Variants in CADM2 observed in about 807,000 individuals in gnomAD.
CADM2 encodes immunoglobulin superfamily member 4D.
A neutral mutation model predicts 49.8 loss-of-function variants in CADM2; 12 were observed. That is an observed-to-expected ratio of 0.24 (90% CI 0.15 to 0.39). The LOEUF (loss-of-function observed/expected upper bound fraction) is 0.39, where lower values mean the gene tolerates loss of function less well. Ranked by LOEUF, CADM2 falls within the 10% of genes least tolerant of loss-of-function variation. The pLI is 1.00. For missense variants in CADM2, 378 were observed against 492.3 expected (o/e 0.77, Z 2.20); for synonymous variants, 214 against 175.4 (o/e 1.22, Z -1.74).
chr3:85,932,955 C>T (rs1272221015), intron 6 of CADM2, among the ~76,000 whole-genome samples: 1 of 152,036 alleles, frequency 6.6e-6, no homozygotes, highest in Non-Finnish European at 1.5e-5. Flanking sequence ...TTCTGTGTGT[C>T]AGATCTAAAG....
At chr3:85,448,320 A>T (rs1031380509) in intron 1 of CADM2, among the ~76,000 whole-genome samples, 1 of 125,938 alleles carries the variant, frequency 7.9e-6, no homozygotes, top group African/African-American at 3.0e-5. Flanking sequence ...GCGACAGAGC[A>T]AGATTCCGTC....
intron 1 of CADM2, among the ~76,000 whole-genome samples, chr3:85,083,647 G>T (rs935739942): frequency 6.6e-6 from 1 of 151,998 alleles, no homozygotes; most frequent in African/African-American, 2.4e-5. Flanking sequence ...ATAGTTTTGG[G>T]AGAACTAAAA....
chr3:85,626,809 A>C (rs1293017758), intron 1 of CADM2, among the ~76,000 whole-genome samples: 1 of 152,026 alleles, frequency 6.6e-6, no homozygotes, highest in Admixed American at 6.6e-5. Flanking sequence ...TTAGATAAAC[A>C]TGAAAGAGAA....
intron 1 of CADM2, among the ~76,000 whole-genome samples, chr3:85,238,949 C>T (rs1327630303): frequency 6.6e-6 from 1 of 151,342 alleles, no homozygotes; most frequent in Non-Finnish European, 1.5e-5. Flanking sequence ...CTTTCTCTTT[C>T]CTTTTAGGTG....
intron 1 of CADM2, among the ~76,000 whole-genome samples, chr3:85,589,659 C>T (rs1317560026): frequency 6.6e-6 from 1 of 152,008 alleles, no homozygotes; most frequent in Non-Finnish European, 1.5e-5. Context: ...TATTTACATA[C>T]AGTTTTCTCT....
chr3:86,046,172 T>G (rs1736655912), intron 8 of CADM2, among the ~76,000 whole-genome samples: 1 of 152,172 alleles, frequency 6.6e-6, no homozygotes, highest in Non-Finnish European at 1.5e-5. Flanking sequence ...GTATTTTATA[T>G]ACCTAGTTAA....
chr3:85,945,071 T>C (rs138141361), intron 7 of CADM2, among the ~76,000 whole-genome samples: 32,843 of 151,102 alleles, frequency 0.22, 4,021 homozygotes, highest in African/African-American at 0.34. Context: ...ATCAAATAGA[T>C]GCAATAAAAA....
chr3:85,153,669 C>A (rs1434332884), intron 1 of CADM2, among the ~76,000 whole-genome samples: 1 of 152,168 alleles, frequency 6.6e-6, no homozygotes, highest in East Asian at 1.9e-4. Flanking sequence ...GCAGTAACCT[C>A]TGCAGACTTA....
At chr3:85,461,935 C>T (rs1484297781) in intron 1 of CADM2, among the ~76,000 whole-genome samples, 4 of 151,992 alleles carry the variant, frequency 2.6e-5, no homozygotes, top group South Asian at 2.1e-4. Context: ...ATCAGGGGTC[C>T]GGACTTTCGC....
intron 1 of CADM2, among the ~76,000 whole-genome samples, chr3:85,194,136 AG>A (rs2107731074): frequency 6.6e-6 from 1 of 152,176 alleles, no homozygotes; most frequent in African/African-American, 2.4e-5. Flanking sequence ...GTTTTCATAA[AG>A]CAGGGGTTGT....
intron 1 of CADM2, among the ~76,000 whole-genome samples, chr3:85,274,246 G>A (rs377436042): frequency 6.6e-6 from 1 of 151,274 alleles, no homozygotes; most frequent in Non-Finnish European, 1.5e-5. Flanking sequence ...TTAATATTTG[G>A]CTAGTGAGGT....
chr3:85,819,671 T>G (rs2073430616), intron 3 of CADM2, among the ~76,000 whole-genome samples: 1 of 152,152 alleles, frequency 6.6e-6, no homozygotes. Context: ...TCAAAAGAAA[T>G]TAATAGTCAT....
At chr3:85,058,604 C>G (rs1194910230) in intron 1 of CADM2, among the ~76,000 whole-genome samples, 1 of 152,034 alleles carries the variant, frequency 6.6e-6, no homozygotes, top group Non-Finnish European at 1.5e-5. Flanking sequence ...GCCACCACAC[C>G]TGGCTAATTT....
chr3:85,979,102 A>T (rs903983125), intron 8 of CADM2: 1 of 1,561,834 alleles, frequency 6.4e-7, no homozygotes, highest in Non-Finnish European at 8.8e-7. Flanking sequence ...AATTTGAATC[A>T]TTTGTGTTTC....
chr3:85,606,305 C>T (rs1170969696), intron 1 of CADM2, among the ~76,000 whole-genome samples: 1 of 151,870 alleles, frequency 6.6e-6, no homozygotes, highest in Non-Finnish European at 1.5e-5. Context: ...TACTTACTAC[C>T]CCACACTGCT....
At chr3:86,062,806 A>T (rs929515365) in intron 8 of CADM2, among the ~76,000 whole-genome samples, 4 of 142,888 alleles carry the variant, frequency 2.8e-5, no homozygotes, top group African/African-American at 7.7e-5. Flanking sequence ...GTGTATTGTT[A>T]TTTTTTTTTT....
chr3:85,641,925 C>T (rs11928212), intron 1 of CADM2, among the ~76,000 whole-genome samples: 31,356 of 151,538 alleles, frequency 0.21, 3,709 homozygotes, highest in East Asian at 0.53. Context: ...AGCGAGACTC[C>T]GTCTCAAAAA....
chr3:85,348,912 T>A (rs765148018), intron 1 of CADM2, among the ~76,000 whole-genome samples: 2 of 152,164 alleles, frequency 1.3e-5, no homozygotes, highest in Non-Finnish European at 2.9e-5. Context: ...GTCTTGTTTT[T>A]CATCAATGAA....
intron 1 of CADM2, among the ~76,000 whole-genome samples, chr3:85,051,304 A>G (rs1447092688): frequency 6.6e-6 from 1 of 152,088 alleles, no homozygotes; most frequent in Non-Finnish European, 1.5e-5. Context: ...AACTGTATCT[A>G]TTAGAACAGA....
Sources: gnomAD v4.1 joint callset for allele counts (sites outside exome capture counted in the v4.1 genomes callset) on GRCh38, gnomAD v4.1.1 for gene constraint, MANE v1.5 for transcripts, NCBI Gene and HGNC (gene_info 2026-07-23, HGNC 2026-07-21) for gene names.